The following SRGAP3 variants were observed in gnomAD, a reference collection of about 807,000 sequenced individuals.
The protein encoded by SRGAP3 is SLIT-ROBO Rho GTPase activating protein 3.
A neutral mutation model predicts 121.1 loss-of-function variants in SRGAP3; 39 were observed. The ratio of observed to expected loss-of-function variants is 0.32; its 90% CI spans 0.25 to 0.42. The LOEUF (loss-of-function observed/expected upper bound fraction) is 0.42, where lower values mean the gene tolerates loss of function less well. SRGAP3 is among the 10% of genes least tolerant of loss of function. SRGAP3 has a pLI of 1.00. For synonymous variants in SRGAP3, 601 were observed against 570.0 expected (o/e 1.05, Z -0.77); for missense variants, 1,213 against 1,470.6 (o/e 0.82, Z 2.86).
intron 1 of SRGAP3, among the ~76,000 whole-genome samples, chr3:9,145,993 C>CT (rs1444397297): frequency 6.6e-6 from 1 of 152,162 alleles, no homozygotes; most frequent in Non-Finnish European, 1.5e-5. Flanking sequence ...TCCTTGTAGC[C>CT]ATATGGTGAA....
intron 4 of SRGAP3, 106 bp from the exon 5 acceptor site, chr3:9,064,687 C>T (rs1946340542): frequency 2.2e-6 from 3 of 1,355,866 alleles, no homozygotes; most frequent in Non-Finnish European, 3.1e-6. Context: ...CTGGCCACTG[C>T]CCTGGTCCCA....
intron 4 of SRGAP3, among the ~76,000 whole-genome samples, chr3:9,068,535 A>G (rs1042504974): frequency 3.9e-5 from 6 of 152,152 alleles, no homozygotes; most frequent in East Asian, 1.9e-4. Context: ...GATTCCAAGA[A>G]TAACAGTGAA....
chr3:9,160,086 T>G (rs531160829), intron 1 of SRGAP3, among the ~76,000 whole-genome samples: 1 of 152,248 alleles, frequency 6.6e-6, no homozygotes, highest in South Asian at 2.1e-4. Flanking sequence ...GTGTTACCAC[T>G]GGCTACCTGT....
intron 1 of SRGAP3, among the ~76,000 whole-genome samples, chr3:9,214,923 A>G (rs997839666): frequency 2.0e-5 from 3 of 152,228 alleles, no homozygotes; most frequent in Non-Finnish European, 4.4e-5. Flanking sequence ...ACAACAAGCA[A>G]GCTGCATTTG....
intron 1 of SRGAP3, among the ~76,000 whole-genome samples, chr3:9,153,417 C>G (rs1182511985): frequency 6.6e-6 from 1 of 152,232 alleles, no homozygotes; most frequent in East Asian, 1.9e-4. Context: ...TGAGGCATAC[C>G]GTCTCAGAGT....
chr3:9,281,235 G>C (rs1954670984), intron 3 of SRGAP3, among the ~76,000 whole-genome samples: 1 of 152,172 alleles, frequency 6.6e-6, no homozygotes, highest in African/African-American at 2.4e-5. Context: ...AGCTTTTAAA[G>C]AACATCCTAC....
chr3:9,344,956 G>T (rs2125291675), intron 1 of SRGAP3, among the ~76,000 whole-genome samples: 1 of 152,132 alleles, frequency 6.6e-6, no homozygotes, highest in African/African-American at 2.4e-5. Flanking sequence ...AGAATCACTT[G>T]AACCTGGGAG....
chr3:9,257,656 T>A (rs1954159671), intron 3 of SRGAP3: 2 of 151,234 alleles, frequency 1.3e-5, no homozygotes, highest in South Asian at 4.2e-4. Flanking sequence ...AAATAGATGA[T>A]TTTTACGAAT....
At chr3:9,119,690 C>T (rs1249179015) in intron 2 of SRGAP3, among the ~76,000 whole-genome samples, 1 of 152,182 alleles carries the variant, frequency 6.6e-6, no homozygotes, top group South Asian at 2.1e-4. Context: ...CCAGGCCTAG[C>T]AGTTAAGAGG....
intron 3 of SRGAP3, among the ~76,000 whole-genome samples, chr3:9,254,968 AAG>A (rs1326377504): frequency 6.6e-6 from 1 of 151,056 alleles, no homozygotes; most frequent in Non-Finnish European, 1.5e-5. Context: ...AAAAGAAAGA[AAG>A]GGGAAAGAAA....
At chr3:9,187,415 C>T (rs1951630009) in intron 1 of SRGAP3, among the ~76,000 whole-genome samples, 1 of 152,108 alleles carries the variant, frequency 6.6e-6, no homozygotes, top group South Asian at 2.1e-4. Context: ...CCAGCCCACG[C>T]CCAGACGCTG....
chr3:9,129,772 T>C (rs1483183430), intron 1 of SRGAP3, among the ~76,000 whole-genome samples: 1 of 152,024 alleles, frequency 6.6e-6, no homozygotes, highest in Admixed American at 6.6e-5. Flanking sequence ...TTTCCCTTTT[T>C]TTTTTTTGAG....
In SRGAP3 at chr3:9,012,707, T is replaced by C. The variant is rs528726843; in HGVS notation, c.2147+601A>G. 1.1e-4 allele frequency among the ~76,000 whole-genome samples: 16 copies of C among 152,288 alleles called. No individual in the cohort carries two copies. In the South Asian group the frequency reaches 3.1e-3, roughly 30 times the overall value. ...TTGAGGTGGGGACTAGTCACTCCCC[T>C]GCTTCCTGAGATGGGCTTGTGACTC... On this transcript the variant is annotated intron_variant, in intron 17 of 21. Transcript: ENST00000383836.
intron 11 of SRGAP3, chr3:9,033,936 T>C (rs1439573631): frequency 6.6e-6 from 1 of 152,208 alleles, no homozygotes; most frequent in East Asian, 1.9e-4. Flanking sequence ...GGCACTTTTT[T>C]ATTTCCAGCC....
chr3:9,139,713 T>G (rs113464739), intron 1 of SRGAP3, among the ~76,000 whole-genome samples: 184 of 152,340 alleles, frequency 1.2e-3, no homozygotes, highest in African/African-American at 4.1e-3. Context: ...ACTAGTATAA[T>G]GTGCATTGCG....
chr3:9,204,651 CT>C (rs34957395), intron 1 of SRGAP3, among the ~76,000 whole-genome samples: 118,898 of 150,266 alleles, frequency 0.79, 47,033 homozygotes, highest in Admixed American at 0.84. Context: ...TCCCTAAGGT[CT>C]TTTTTTTTTT....
In SRGAP3 at chr3:8,984,581, G is replaced by A. The variant is rs904546564; in HGVS notation, c.*938C>T. 6.5e-5 allele frequency: 15 copies of A among 232,490 alleles called. No individual in the cohort carries two copies. Among genetic ancestry groups the A allele is most frequent in the African/African-American group, 1.3e-4 (6 of 45,264 alleles). The allele number at this position is 232,490 out of a possible 1,614,324, so 14.4% of individuals were successfully genotyped here. ...CCAACCACATGTAATACTGTGCTAC[G>A]ATGGGGCTTAGGTTCTCACTATCCC... On this transcript the variant is annotated 3_prime_UTR_variant, in exon 22 of 22. Transcript: ENST00000383836.
chr3:8,992,873 C>A (rs1942141688), intron 20 of SRGAP3, 33 bp downstream of exon 20: 1 of 1,614,078 alleles, frequency 6.2e-7, no homozygotes, highest in Non-Finnish European at 8.5e-7. Flanking sequence ...AGGATTGACA[C>A]CAGCAGGGAA....
chr3:9,019,979 C>A (rs936730843), intron 14 of SRGAP3, among the ~76,000 whole-genome samples: 1 of 152,228 alleles, frequency 6.6e-6, no homozygotes, highest in South Asian at 2.1e-4. Flanking sequence ...TGTATTCACA[C>A]AGCACTTCTC....
Sources: allele counts gnomAD v4.1 joint callset (sites outside exome capture counted in the v4.1 genomes callset), GRCh38; gene constraint gnomAD v4.1.1; transcripts MANE v1.5; gene names NCBI Gene and HGNC (gene_info 2026-07-23, HGNC 2026-07-21).